Variants in SIPA1L1 observed in about 807,000 individuals in gnomAD.
The protein encoded by SIPA1L1 is signal-induced proliferation-associated 1-like protein 1.
Under a neutral mutation model 162.7 loss-of-function variants are expected in SIPA1L1, and 26 were observed. The ratio of observed to expected loss-of-function variants is 0.16; its 90% CI spans 0.12 to 0.22. SIPA1L1 has a LOEUF of 0.22. SIPA1L1 is among the 10% of genes least tolerant of loss of function. SIPA1L1 has a pLI of 1.00. For missense variants in SIPA1L1, 1,874 were observed against 2,241.0 expected, an observed-to-expected ratio of 0.84 and a Z score of 3.31; for synonymous variants, 829 against 837.4, an observed-to-expected ratio of 0.99 and a Z score of 0.17.
At chr14:71,420,716 G>C (rs773053843) in intron 2 of SIPA1L1, among the ~76,000 whole-genome samples, 4 of 151,878 alleles carry the variant, frequency 2.6e-5, no homozygotes, top group Admixed American at 1.3e-4. Flanking sequence ...CATTCTGTCT[G>C]TCTTTCTCCT....
intron 2 of SIPA1L1, among the ~76,000 whole-genome samples, chr14:71,472,067 G>C (rs1204322220): frequency 6.6e-6 from 1 of 152,158 alleles, no homozygotes; most frequent in Non-Finnish European, 1.5e-5. Context: ...CAGGTGCTGA[G>C]AGATGAGAGC....
At chr14:71,433,328 A>G (rs2044138544) in intron 2 of SIPA1L1, among the ~76,000 whole-genome samples, 1 of 152,162 alleles carries the variant, frequency 6.6e-6, no homozygotes, top group Non-Finnish European at 1.5e-5. Flanking sequence ...GGATATTATT[A>G]TTATTTGAGA....
intron 2 of SIPA1L1, among the ~76,000 whole-genome samples, chr14:71,395,580 G>A (rs1410093853): frequency 2.6e-5 from 4 of 152,204 alleles, no homozygotes; most frequent in African/African-American, 9.7e-5. Flanking sequence ...AGGATCACTT[G>A]AGTCCAGGAG....
At chr14:71,683,762 C>G (rs1406753610) in intron 12 of SIPA1L1, among the ~76,000 whole-genome samples, 1 of 152,166 alleles carries the variant, frequency 6.6e-6, no homozygotes, top group African/African-American at 2.4e-5. Context: ...TCATTAACTA[C>G]TAAAAGTAAT....
intron 17 of SIPA1L1, among the ~76,000 whole-genome samples, chr14:71,714,986 TA>T: frequency 6.6e-6 from 1 of 152,372 alleles, no homozygotes; most frequent in African/African-American, 2.4e-5. Context: ...TAAGAGAGAA[TA>T]AATGTCTTTT....
At chr14:71,726,165 A>G (rs1038669794) in intron 19 of SIPA1L1, among the ~76,000 whole-genome samples, 2 of 152,230 alleles carry the variant, frequency 1.3e-5, no homozygotes, top group African/African-American at 4.8e-5. Flanking sequence ...TGATTTGTTA[A>G]CATGATTTAT....
intron 2 of SIPA1L1, among the ~76,000 whole-genome samples, chr14:71,363,098 T>G (rs886547961): frequency 6.6e-6 from 1 of 152,224 alleles, no homozygotes; most frequent in Non-Finnish European, 1.5e-5. Context: ...GGGAAAGGGA[T>G]TATCCTTTCT....
chr14:71,500,791 G>A (rs1442227829), intron 2 of SIPA1L1, among the ~76,000 whole-genome samples: 1 of 151,032 alleles, frequency 6.6e-6, no homozygotes, highest in Admixed American at 6.6e-5. Flanking sequence ...CGGGTCACCT[G>A]AGATCGGGAG....
At chr14:71,416,878 A>C (rs1298587994) in intron 2 of SIPA1L1, among the ~76,000 whole-genome samples, 3 of 152,184 alleles carry the variant, frequency 2.0e-5, no homozygotes, top group African/African-American at 7.2e-5. Context: ...TTGAATAAGC[A>C]TACTTTTTTC....
At chr14:71,654,605 A>G (rs1355384722) in intron 8 of SIPA1L1, among the ~76,000 whole-genome samples, 1 of 152,208 alleles carries the variant, frequency 6.6e-6, no homozygotes, top group Non-Finnish European at 1.5e-5. Flanking sequence ...TTGAGGTTCA[A>G]GATCTTAAAA....
intron 20 of SIPA1L1, among the ~76,000 whole-genome samples, chr14:71,732,348 C>A (rs775660248): frequency 6.6e-6 from 1 of 152,146 alleles, no homozygotes; most frequent in Non-Finnish European, 1.5e-5. Context: ...ACCTGAGTGT[C>A]GCAGTCACCT....
chr14:71,734,863 A>T (rs1037864081), intron 21 of SIPA1L1, among the ~76,000 whole-genome samples: 1 of 152,242 alleles, frequency 6.6e-6, no homozygotes, highest in Non-Finnish European at 1.5e-5. Context: ...TGTTAAAGCC[A>T]ACCAGAGTGT....
chr14:71,689,938 G>A (rs75459971), intron 13 of SIPA1L1, among the ~76,000 whole-genome samples: 137 of 152,274 alleles, frequency 9.0e-4, no homozygotes, highest in African/African-American at 1.9e-3. Context: ...TAATAGTCAC[G>A]TGACCATTCA....
chr14:71,623,997 C>A lies in SIPA1L1; in HGVS notation c.1630-51C>A, dbSNP rs1203067132. ...GGCCTGCAGTGCATGTACATGTGTTCAGGCATCTCACATCCCAGAAGCCTC... is the reference window on the plus strand; with the variant it reads ...GGCCTGCAGTGCATGTACATGTGTTAAGGCATCTCACATCCCAGAAGCCTC... On this transcript the variant is annotated intron_variant, in intron 6 of 23. Transcript: ENST00000381232. The A allele has an allele frequency of 2.0e-6, 3 of 1,482,340 alleles. No individual in the cohort carries two copies. In the Admixed American group the frequency reaches 5.9e-5, roughly 29 times the overall value. The allele number at this position is 1,482,340 out of a possible 1,614,324, so 91.8% of individuals were successfully genotyped here.
chr14:71,708,038 T>G (rs1316760741), intron 16 of SIPA1L1, among the ~76,000 whole-genome samples: 24 of 149,164 alleles, frequency 1.6e-4, no homozygotes, highest in African/African-American at 3.2e-4. Context: ...TGTTTTTTTT[T>G]TTTTTTTTGG....
chr14:71,611,278 A>G (rs552779252), intron 5 of SIPA1L1, among the ~76,000 whole-genome samples: 51 of 152,294 alleles, frequency 3.3e-4, no homozygotes, highest in Non-Finnish European at 6.9e-4. Context: ...CCAATCCTTT[A>G]GCTCTGTCCT....
intron 2 of SIPA1L1, among the ~76,000 whole-genome samples, chr14:71,367,892 C>G (rs1425705122): frequency 1.3e-5 from 2 of 150,690 alleles, no homozygotes; most frequent in African/African-American, 4.9e-5. Context: ...CAGGCATGAG[C>G]CAGCGTGCCG....
chr14:71,334,974 A>G (rs2034933521), intron 2 of SIPA1L1, among the ~76,000 whole-genome samples: 1 of 152,184 alleles, frequency 6.6e-6, no homozygotes, highest in African/African-American at 2.4e-5. Flanking sequence ...TACTTTTATA[A>G]TCTATACTTT....
chr14:71,372,658 CA>C (rs1234867262), intron 2 of SIPA1L1, among the ~76,000 whole-genome samples: 2 of 152,212 alleles, frequency 1.3e-5, no homozygotes, highest in East Asian at 3.9e-4. Flanking sequence ...GTAATCCTAA[CA>C]AGTCCATTCA....
Sources: allele counts gnomAD v4.1 joint callset (sites outside exome capture counted in the v4.1 genomes callset), GRCh38; gene constraint gnomAD v4.1.1; transcripts MANE v1.5; gene names NCBI Gene and HGNC (gene_info 2026-07-23, HGNC 2026-07-21).